LARGE1: variants seen among roughly 807,000 people sequenced by gnomAD.
LARGE1 encodes the protein xylosyl- and glucuronyltransferase LARGE1.
Under a neutral mutation model 87.6 loss-of-function variants are expected in LARGE1, and 43 were observed. The observed-to-expected ratio is 0.49, with a 90% CI of 0.38 to 0.63. The LOEUF (loss-of-function observed/expected upper bound fraction) is 0.63, where lower values mean the gene tolerates loss of function less well. Ranked by LOEUF, LARGE1 falls within the 30% of genes least tolerant of loss-of-function variation. LARGE1 has a pLI of 0.00. For synonymous variants in LARGE1, 434 were observed against 394.6 expected (o/e 1.10, Z -1.18); for missense variants, 802 against 1,000.2 (o/e 0.80, Z 2.67).
At chr22:33,288,220 C>A (rs759793155) in intron 12 of LARGE1, among the ~76,000 whole-genome samples, 126 of 152,192 alleles carry the variant, frequency 8.3e-4, no homozygotes, top group Non-Finnish European at 1.1e-3. Flanking sequence ...CTAACATGTA[C>A]AATCAGTTAC....
intron 1 of LARGE1, among the ~76,000 whole-genome samples, chr22:33,881,246 G>C (rs767262937): frequency 2.2e-4 from 34 of 152,208 alleles, no homozygotes; most frequent in East Asian, 5.8e-4. Context: ...ACGCTGCATG[G>C]CTTACTGTCC....
chr22:33,348,289 C>CCCCCCAA (rs1569081859), intron 9 of LARGE1, among the ~76,000 whole-genome samples: 3 of 124,050 alleles, frequency 2.4e-5, no homozygotes, highest in Admixed American at 1.7e-4. Flanking sequence ...CACCCCCCCC[C>CCCCCCAA]AAAAAAAAAG....
At chr22:33,915,987 T>A (rs925239940) in intron 1 of LARGE1, among the ~76,000 whole-genome samples, 1 of 152,018 alleles carries the variant, frequency 6.6e-6, no homozygotes, top group Non-Finnish European at 1.5e-5. Context: ...CTGGTAATAA[T>A]AGTTGAATGT....
At chr22:33,493,810 G>A (rs2069973265) in intron 6 of LARGE1, among the ~76,000 whole-genome samples, 1 of 152,132 alleles carries the variant, frequency 6.6e-6, no homozygotes, top group South Asian at 2.1e-4. Flanking sequence ...CAGCCTCTGT[G>A]GTCCACATCT....
intron 11 of LARGE1, among the ~76,000 whole-genome samples, chr22:33,219,800 G>A (rs1032654280): frequency 6.6e-6 from 1 of 152,054 alleles, no homozygotes; most frequent in Non-Finnish European, 1.5e-5. Context: ...ATGCCTGGTG[G>A]ATTTATTGCC....
At chr22:33,808,837 C>T (rs983585796) in intron 1 of LARGE1, among the ~76,000 whole-genome samples, 2 of 152,230 alleles carry the variant, frequency 1.3e-5, no homozygotes, top group African/African-American at 4.8e-5. Flanking sequence ...ATTTCCCCCT[C>T]AGCCTCAGAA....
At chr22:33,636,941 AC>A (rs1332752216) in intron 3 of LARGE1, among the ~76,000 whole-genome samples, 1 of 152,196 alleles carries the variant, frequency 6.6e-6, no homozygotes, top group Non-Finnish European at 1.5e-5. Flanking sequence ...AATAATAATA[AC>A]AATTATAGTT....
chr22:33,885,097 A>G (rs1050462678), intron 1 of LARGE1, among the ~76,000 whole-genome samples: 13 of 152,274 alleles, frequency 8.5e-5, no homozygotes, highest in Non-Finnish European at 1.5e-5. Flanking sequence ...CGTTTTGCCC[A>G]TGCAGAAACT....
chr22:33,714,694 C>G (rs2082859032), intron 2 of LARGE1, among the ~76,000 whole-genome samples: 1 of 152,188 alleles, frequency 6.6e-6, no homozygotes, highest in Non-Finnish European at 1.5e-5. Flanking sequence ...CTCACTCAGG[C>G]CTGTGGCCTC....
At chr22:33,637,996 T>C (rs2080318770) in intron 3 of LARGE1, among the ~76,000 whole-genome samples, 1 of 152,182 alleles carries the variant, frequency 6.6e-6, no homozygotes, top group African/African-American at 2.4e-5. Context: ...CTTCCAGCTA[T>C]AACATCCCCT....
intron 1 of LARGE1, among the ~76,000 whole-genome samples, chr22:33,810,236 G>A (rs1410859024): frequency 6.6e-6 from 1 of 152,200 alleles, no homozygotes; most frequent in Non-Finnish European, 1.5e-5. Flanking sequence ...GGTTGAGAGA[G>A]TTTACACTGA....
Position 33,760,488 on chromosome 22 carries a change from C to T in LARGE1, c.106+883G>A, listed in dbSNP as rs375996726. Among the ~76,000 whole-genome samples the T allele has an allele frequency of 3.0e-4, 46 of 152,290 alleles. No individual in the cohort carries two copies. In the South Asian group the frequency reaches 8.7e-3, roughly 29 times the overall value. ...CTCCAACAAACCTCTCCCACAGCAC[C>T]CTGCCTTCCTCCATCACAACGCGCA... On this transcript the variant is annotated intron_variant, in intron 2 of 14. Coordinates refer to ENST00000397394, the MANE Select transcript of LARGE1 (RefSeq NM_133642.5).
intron 1 of LARGE1, among the ~76,000 whole-genome samples, chr22:33,870,776 C>T (rs576533516): frequency 6.6e-6 from 1 of 152,294 alleles, no homozygotes; most frequent in East Asian, 1.9e-4. Flanking sequence ...CCCATGTTGA[C>T]CAGGCTGTCT....
intron 5 of LARGE1, among the ~76,000 whole-genome samples, chr22:33,583,020 T>A (rs1569289810): frequency 6.6e-6 from 1 of 152,226 alleles, no homozygotes; most frequent in African/African-American, 2.4e-5. Context: ...TGAGCACATG[T>A]CTACCTTGGA....
intron 3 of LARGE1, among the ~76,000 whole-genome samples, chr22:33,636,398 T>C (rs1156440650): frequency 6.6e-6 from 1 of 152,192 alleles, no homozygotes; most frequent in East Asian, 1.9e-4. Context: ...TCAAGCTTTC[T>C]TGTTTTTAGA....
rs531667639 is a variant in LARGE1 at position 33,798,203 on chromosome 22, T to C, written c.-82-36645A>G. Among the ~76,000 whole-genome samples the C allele has an allele frequency of 1.4e-3, 216 of 152,244 alleles. 1 individual carries two copies. The highest frequency in any genetic ancestry group is 0.01 in the Middle Eastern group (3 of 294). On this transcript the variant is annotated intron_variant, in intron 1 of 14. Transcript: ENST00000397394. Reference sequence around the variant, plus strand: ...CTACTCAGAGGCTGAGGCAGGAGAATTGCTTGAACCTGGGAGGCAGAGGGT... The same window carrying C: ...CTACTCAGAGGCTGAGGCAGGAGAACTGCTTGAACCTGGGAGGCAGAGGGT...
At chr22:33,452,457 G>C (rs2067970039) in intron 6 of LARGE1, among the ~76,000 whole-genome samples, 1 of 152,200 alleles carries the variant, frequency 6.6e-6, no homozygotes, top group Admixed American at 6.5e-5. Context: ...CCTCCAGGAA[G>C]GGGCCCATGG....
At chr22:33,872,899 C>G (rs963083032) in intron 1 of LARGE1, among the ~76,000 whole-genome samples, 2 of 152,082 alleles carry the variant, frequency 1.3e-5, no homozygotes, top group Non-Finnish European at 2.9e-5. Context: ...ACTCGGGAGG[C>G]TGAGGCAGGA....
At chr22:33,205,105 C>T (rs925394932) in intron 11 of LARGE1, among the ~76,000 whole-genome samples, 2 of 152,138 alleles carry the variant, frequency 1.3e-5, no homozygotes, top group Non-Finnish European at 2.9e-5. Flanking sequence ...CACCTTGTCC[C>T]ATTATTTCCA....
Sources: allele counts gnomAD v4.1 joint callset (sites outside exome capture counted in the v4.1 genomes callset), GRCh38; gene constraint gnomAD v4.1.1; transcripts MANE v1.5; gene names NCBI Gene and HGNC (gene_info 2026-07-23, HGNC 2026-07-21).